MAN1A1: variants seen among roughly 807,000 people sequenced by gnomAD.
The protein encoded by MAN1A1 is mannosyl-oligosaccharide 1,2-alpha-mannosidase IA.
In MAN1A1, 29 loss-of-function variants were observed where a neutral mutation model predicts 70.8. The ratio of observed to expected loss-of-function variants is 0.41; its 90% CI spans 0.31 to 0.56. The LOEUF (loss-of-function observed/expected upper bound fraction) is 0.56. Among genes scored for constraint, MAN1A1 ranks in the 20% least tolerant of loss-of-function variants. The pLI, the probability that MAN1A1 is intolerant of heterozygous loss-of-function variation, is 0.29. For synonymous variants in MAN1A1, 349 were observed against 330.1 expected, an observed-to-expected ratio of 1.06 and a Z score of -0.62; for missense variants, 747 against 841.3, an observed-to-expected ratio of 0.89 and a Z score of 1.39.
chr6:119,295,442 C>T (rs201368264), intron 4 of MAN1A1, among the ~76,000 whole-genome samples: 5 of 151,384 alleles, frequency 3.3e-5, no homozygotes, highest in East Asian at 1.9e-4. Flanking sequence ...GATGCAAGCT[C>T]GAGGAACAGA....
chr6:119,234,386 T>C (rs142913803), intron 6 of MAN1A1, among the ~76,000 whole-genome samples: 2,188 of 152,262 alleles, frequency 0.014, 34 homozygotes, highest in African/African-American at 0.04. Flanking sequence ...TATATGTGTG[T>C]GTGTATGTAT....
intron 6 of MAN1A1, among the ~76,000 whole-genome samples, chr6:119,224,431 G>C (rs867371147): frequency 6.6e-6 from 1 of 152,172 alleles, no homozygotes; most frequent in Non-Finnish European, 1.5e-5. Context: ...GATCCCCAGG[G>C]TGCCAGGTTA....
intron 5 of MAN1A1, among the ~76,000 whole-genome samples, chr6:119,271,810 C>T (rs544958076): frequency 5.3e-5 from 8 of 152,184 alleles, no homozygotes; most frequent in South Asian, 4.1e-4. Context: ...AGCCAACCCC[C>T]GGTTTACAAA....
At chr6:119,314,532 A>C (rs570390420) in intron 2 of MAN1A1, among the ~76,000 whole-genome samples, 45 of 152,292 alleles carry the variant, frequency 3.0e-4, no homozygotes, top group African/African-American at 1.1e-3. Flanking sequence ...CTGAGGCCCA[A>C]GGTAGTGTAG....
intron 2 of MAN1A1, chr6:119,327,332 G>A (rs1773175809): frequency 6.6e-6 from 1 of 150,850 alleles, no homozygotes; most frequent in Admixed American, 6.6e-5. Context: ...GAGAAGATTA[G>A]CACGGCCCCT....
At chr6:119,226,731 C>T (rs773418047) in intron 6 of MAN1A1, among the ~76,000 whole-genome samples, 11 of 152,090 alleles carry the variant, frequency 7.2e-5, no homozygotes, top group South Asian at 6.2e-4. Flanking sequence ...AGTGCAGTGG[C>T]GCAATCTTGG....
intron 2 of MAN1A1, among the ~76,000 whole-genome samples, chr6:119,310,777 G>C (rs1402276736): frequency 6.6e-6 from 1 of 152,164 alleles, no homozygotes; most frequent in African/African-American, 2.4e-5. Context: ...CTGAGGTACA[G>C]ATGATTTTGC....
At chr6:119,216,151 T>C (rs1338713134) in intron 6 of MAN1A1, among the ~76,000 whole-genome samples, 2 of 152,186 alleles carry the variant, frequency 1.3e-5, no homozygotes, top group Non-Finnish European at 2.9e-5. Flanking sequence ...CTAGGCCAGA[T>C]CAAGCGTTTC....
intron 4 of MAN1A1, among the ~76,000 whole-genome samples, chr6:119,298,008 G>T (rs1282851752): frequency 3.3e-5 from 5 of 151,892 alleles, no homozygotes; most frequent in African/African-American, 1.2e-4. Context: ...CTTAGCTAGG[G>T]TTCTCTGACT....
intron 4 of MAN1A1, among the ~76,000 whole-genome samples, 175 bp from the exon 5 acceptor site, chr6:119,290,938 A>T (rs749481924): frequency 6.6e-6 from 1 of 152,062 alleles, no homozygotes; most frequent in Non-Finnish European, 1.5e-5. Flanking sequence ...ATCACTGTGC[A>T]TTATACGTAT....
At chr6:119,238,636 ATTATC>A (rs1305311641) in intron 6 of MAN1A1, among the ~76,000 whole-genome samples, 1 of 152,188 alleles carries the variant, frequency 6.6e-6, no homozygotes. Flanking sequence ...TTTGAAAGTG[ATTATC>A]TTAAGAACTT....
At chr6:119,300,001 C>T (rs1284094853) in intron 4 of MAN1A1, among the ~76,000 whole-genome samples, 3 of 152,130 alleles carry the variant, frequency 2.0e-5, no homozygotes, top group African/African-American at 7.2e-5. Flanking sequence ...AACAATGCTA[C>T]AATTACCAGA....
At chr6:119,228,636 C>A (rs1421245882) in intron 6 of MAN1A1, among the ~76,000 whole-genome samples, 1 of 151,466 alleles carries the variant, frequency 6.6e-6, no homozygotes, top group Admixed American at 6.6e-5. Context: ...AATTTCTTAG[C>A]CACAATGATA....
chr6:119,293,749 T>C lies in MAN1A1; in HGVS notation c.817-2986A>G, dbSNP rs183226797. Among the ~76,000 whole-genome samples, 291 of 152,182 alleles carry C rather than the reference T, an allele frequency of 1.9e-3. 3 individuals are homozygous for C. Among genetic ancestry groups the C allele is most frequent in the African/African-American group, 6.6e-3 (276 of 41,546 alleles). Reference sequence around the variant, plus strand: ...TTTAGACCCTTTAGTTAACTCTTTATAGATTCGTAGATGAAAAGGACTAAG... The same window carrying C: ...TTTAGACCCTTTAGTTAACTCTTTACAGATTCGTAGATGAAAAGGACTAAG... On this transcript the variant is annotated intron_variant, in intron 4 of 12. Transcript: ENST00000368468.
chr6:119,196,432 A>G (rs1046562209), intron 8 of MAN1A1, among the ~76,000 whole-genome samples: 5 of 152,050 alleles, frequency 3.3e-5, no homozygotes, highest in African/African-American at 1.2e-4. Flanking sequence ...CTGTTTGTCA[A>G]CACAGTCCTG....
At chr6:119,213,584 A>C (rs1035294812) in intron 6 of MAN1A1, among the ~76,000 whole-genome samples, 4 of 152,228 alleles carry the variant, frequency 2.6e-5, no homozygotes, top group African/African-American at 9.6e-5. Flanking sequence ...TCAGCGTTAA[A>C]GGACAATCTG....
rs576825000 is a variant in MAN1A1, at chr6:119,242,229, C to T, written c.992+6031G>A. ...ATAAGAACATAACTCTGGATTGCCT[C>T]GCATCCTTTTAAAACCTAATCGGCT... On this transcript the variant is annotated intron_variant, in intron 6 of 12. Transcript: ENST00000368468. 1.1e-3 allele frequency among the ~76,000 whole-genome samples: 172 copies of T among 152,214 alleles called. 1 individual carries two copies. The highest frequency in any genetic ancestry group is 3.4e-3 in the Middle Eastern group (1 of 292).
chr6:119,180,081 C>T, intron 12 of MAN1A1, 136 bp from the exon 13 acceptor site: 1 of 961,242 alleles, frequency 1.0e-6, no homozygotes, highest in Non-Finnish European at 1.6e-6. Context: ...TATATCAAAA[C>T]CCTGAGGGGT....
intron 7 of MAN1A1, among the ~76,000 whole-genome samples, chr6:119,202,909 A>G (rs1316825244): frequency 6.6e-6 from 1 of 152,142 alleles, no homozygotes; most frequent in African/African-American, 2.4e-5. Context: ...TTGGAGATTT[A>G]TTTGGAGATG....
Sources: gnomAD v4.1 joint callset for allele counts (sites outside exome capture counted in the v4.1 genomes callset) on GRCh38, gnomAD v4.1.1 for gene constraint, MANE v1.5 for transcripts, NCBI Gene and HGNC (gene_info 2026-07-23, HGNC 2026-07-21) for gene names.